Variants in NRG3 observed in about 807,000 individuals in gnomAD.
NRG3 encodes the protein neuregulin 3.
Under a neutral mutation model 66.9 loss-of-function variants are expected in NRG3, and 31 were observed. The observed-to-expected ratio is 0.46, with a 90% CI of 0.35 to 0.63. The LOEUF (loss-of-function observed/expected upper bound fraction) is 0.63, where lower values mean the gene tolerates loss of function less well. Ranked by LOEUF, NRG3 falls within the 20% of genes least tolerant of loss-of-function variation. The probability of loss-of-function intolerance (pLI) is 0.00; values close to 1 mark genes in which losing one functional copy is unlikely to be tolerated. For synonymous variants in NRG3, 393 were observed against 359.4 expected, an observed-to-expected ratio of 1.09 and a Z score of -1.06; for missense variants, 910 against 878.9, an observed-to-expected ratio of 1.04 and a Z score of -0.45.
intron 1 of NRG3, among the ~76,000 whole-genome samples, chr10:82,197,642 A>G (rs1458552043): frequency 6.6e-6 from 1 of 152,138 alleles, no homozygotes; most frequent in Non-Finnish European, 1.5e-5. Flanking sequence ...TTATGCCTGT[A>G]TTTGTGTATC....
chr10:82,789,889 C>A (rs1565318279), intron 3 of NRG3, among the ~76,000 whole-genome samples: 6 of 151,668 alleles, frequency 4.0e-5, no homozygotes, highest in East Asian at 3.9e-4. Flanking sequence ...TTACAATGAA[C>A]ATTTTCACTT....
At chr10:82,177,567 G>A (rs2073125043) in intron 1 of NRG3, among the ~76,000 whole-genome samples, 1 of 152,026 alleles carries the variant, frequency 6.6e-6, no homozygotes, top group Non-Finnish European at 1.5e-5. Flanking sequence ...AGCCTAGAAA[G>A]TTTAGATTCT....
At position 82,228,636 on chromosome 10, in the gene NRG3, G is replaced by T. The variant is rs1564687122; in HGVS notation, c.824-130103G>T. Among the ~76,000 whole-genome samples the T allele has an allele frequency of 2.0e-5, 3 of 152,096 alleles. No individual in the cohort carries two copies. In the East Asian group the frequency reaches 5.8e-4, roughly 29 times the overall value. On this transcript the variant is annotated intron_variant, in intron 1 of 8. Coordinates refer to ENST00000372141, the MANE Select transcript of NRG3 (RefSeq NM_001010848.4). Reference sequence around the variant, plus strand: ...TATGAAATATATTTGAACTATAAAAGACTTTTGGACTTAAAATGGTAATGA... The same window carrying T: ...TATGAAATATATTTGAACTATAAAATACTTTTGGACTTAAAATGGTAATGA...
At chr10:82,740,814 ACT>A (rs1439605880) in intron 3 of NRG3, among the ~76,000 whole-genome samples, 6 of 101,256 alleles carry the variant, frequency 5.9e-5, no homozygotes, top group Admixed American at 1.1e-4. Context: ...ACAGAGCAAG[ACT>A]CTGTCTCAAA....
intron 2 of NRG3, among the ~76,000 whole-genome samples, chr10:82,508,701 C>G (rs1446513394): frequency 6.6e-6 from 1 of 152,144 alleles, no homozygotes; most frequent in Non-Finnish European, 1.5e-5. Flanking sequence ...ATCGTTCAGA[C>G]TGGTTTTTGT....
chr10:82,833,646 CAAGGTCT>C (rs2062637829), intron 3 of NRG3, among the ~76,000 whole-genome samples: 1 of 152,190 alleles, frequency 6.6e-6, no homozygotes, highest in African/African-American at 2.4e-5. Context: ...GGTCCAAGAC[CAAGGTCT>C]CCTAGCCTAA....
At chr10:82,224,731 C>T (rs958163057) in intron 1 of NRG3, among the ~76,000 whole-genome samples, 4 of 152,060 alleles carry the variant, frequency 2.6e-5, no homozygotes, top group Non-Finnish European at 5.9e-5. Context: ...CAAAATAAAA[C>T]ATTGTTCAAA....
chr10:82,422,324 A>C (rs1234214600), intron 2 of NRG3, among the ~76,000 whole-genome samples: 1 of 152,096 alleles, frequency 6.6e-6, no homozygotes, highest in African/African-American at 2.4e-5. Context: ...GGGTTGATCA[A>C]ATTTAAACAA....
intron 4 of NRG3, among the ~76,000 whole-genome samples, chr10:82,946,884 A>G (rs1199101536): frequency 6.6e-6 from 1 of 152,174 alleles, no homozygotes; most frequent in Non-Finnish European, 1.5e-5. Flanking sequence ...ATTATTTTAT[A>G]TTCTGCATAT....
intron 3 of NRG3, among the ~76,000 whole-genome samples, chr10:82,813,011 C>T (rs1303371913): frequency 1.3e-5 from 2 of 152,152 alleles, no homozygotes; most frequent in South Asian, 2.1e-4. Flanking sequence ...GTAATAGCAA[C>T]AGAAAGACAT....
chr10:82,243,617 A>T (rs2077102374), intron 1 of NRG3, among the ~76,000 whole-genome samples: 1 of 152,214 alleles, frequency 6.6e-6, no homozygotes, highest in Non-Finnish European at 1.5e-5. Context: ...GCAGCAATGT[A>T]TTCATATTCT....
Position 82,956,143 on chromosome 10 carries a change from AAAT to A in NRG3, c.1158-2802_1158-2800del, listed in dbSNP as rs199663507. The stretch of plus-strand genomic sequence containing the variant: ...CCAGGAGCCCAATCTGCAACAAGAC[AAAT>A]AATGCCTAACAATGGATTAATGATG... On this transcript the variant is annotated intron_variant, in intron 5 of 8. Transcript: ENST00000372141. 1.0e-2 allele frequency among the ~76,000 whole-genome samples: 1,520 copies of A among 152,090 alleles called. 61 individuals are homozygous for A. Among genetic ancestry groups the A allele is most frequent in the African/African-American group, 0.035 (1,427 of 41,356 alleles).
chr10:82,893,468 T>A (rs1310098061), intron 4 of NRG3, among the ~76,000 whole-genome samples: 4 of 152,170 alleles, frequency 2.6e-5, no homozygotes, highest in Non-Finnish European at 5.9e-5. Flanking sequence ...GGCGGGCAGA[T>A]CACGAGGTCA....
chr10:82,096,842 A>G (rs1349259088), intron 1 of NRG3, among the ~76,000 whole-genome samples: 1 of 152,192 alleles, frequency 6.6e-6, no homozygotes, highest in African/African-American at 2.4e-5. Context: ...AGAAAAGCCT[A>G]CACATGAAAT....
chr10:82,688,617 G>T (rs1371367792), intron 2 of NRG3, among the ~76,000 whole-genome samples: 6 of 152,052 alleles, frequency 3.9e-5, no homozygotes, highest in Non-Finnish European at 5.9e-5. Context: ...CAATTAATGA[G>T]CTAATTTCAG....
chr10:82,634,360 A>G (rs1187987379), intron 2 of NRG3, among the ~76,000 whole-genome samples: 2 of 152,198 alleles, frequency 1.3e-5, no homozygotes, highest in African/African-American at 2.4e-5. Context: ...TACAGTACAC[A>G]GAAGTATGTA....
At chr10:82,817,769 G>A (rs892719877) in intron 3 of NRG3, among the ~76,000 whole-genome samples, 1 of 152,248 alleles carries the variant, frequency 6.6e-6, no homozygotes, top group Non-Finnish European at 1.5e-5. Flanking sequence ...AGACATTAGA[G>A]CCTTTCTCCC....
intron 2 of NRG3, among the ~76,000 whole-genome samples, chr10:82,533,827 A>G (rs1454420001): frequency 2.0e-5 from 3 of 152,170 alleles, no homozygotes; most frequent in Non-Finnish European, 4.4e-5. Flanking sequence ...ACATGATCTT[A>G]TATATGGAAA....
At chr10:82,486,370 C>G (rs1842677821) in intron 2 of NRG3, among the ~76,000 whole-genome samples, 1 of 151,964 alleles carries the variant, frequency 6.6e-6, no homozygotes, top group South Asian at 2.1e-4. Context: ...GCCTAAATGT[C>G]CATTGGCAGG....
Sources: allele counts gnomAD v4.1 joint callset (sites outside exome capture counted in the v4.1 genomes callset), GRCh38; gene constraint gnomAD v4.1.1; transcripts MANE v1.5; gene names NCBI Gene and HGNC (gene_info 2026-07-23, HGNC 2026-07-21).